WFDC1: variants seen among roughly 807,000 people sequenced by gnomAD.
The protein encoded by WFDC1 is WAP four-disulfide core domain protein 1.
A neutral mutation model predicts 32.9 loss-of-function variants in WFDC1; 39 were observed. That is an observed-to-expected ratio of 1.19 (90% CI 0.92 to 1.55). The LOEUF (loss-of-function observed/expected upper bound fraction) is 1.55. WFDC1 is among the 40% of genes most tolerant of loss of function. WFDC1 has a pLI of 0.00. For synonymous variants in WFDC1, 184 were observed against 137.4 expected, an observed-to-expected ratio of 1.34 and a Z score of -2.37; for missense variants, 386 against 309.5, an observed-to-expected ratio of 1.25 and a Z score of -1.85.
At chr16:84,312,696 G>A (rs114360645) in intron 1 of WFDC1, among the ~76,000 whole-genome samples, 1,937 of 152,148 alleles carry the variant, frequency 0.013, 35 homozygotes, top group African/African-American at 0.044. Flanking sequence ...TTAAGTAATT[G>A]TCCTTCAGCA....
At chr16:84,326,654 G>C in intron 5 of WFDC1, 1 of 537,196 alleles carries the variant, frequency 1.9e-6, no homozygotes, top group Non-Finnish European at 3.4e-6. Flanking sequence ...GGTGAGCTGT[G>C]GAGGTGGTGG....
At chr16:84,312,831 T>G (rs922688030) in intron 1 of WFDC1, 130 bp from the exon 2 acceptor site, 6 of 437,592 alleles carry the variant, frequency 1.4e-5, no homozygotes, top group Non-Finnish European at 1.6e-5. Flanking sequence ...TCTGCCTGCT[T>G]GCTGTTTCTC....
At chr16:84,295,466 A>C (rs973775970) in intron 1 of WFDC1, 3 of 425,450 alleles carry the variant, frequency 7.1e-6, no homozygotes, top group Non-Finnish European at 1.2e-5. Context: ...TCAGTACCAA[A>C]TGTTTGTGAA....
At chr16:84,315,058 C>T (rs948565415) in intron 2 of WFDC1, among the ~76,000 whole-genome samples, 5 of 152,240 alleles carry the variant, frequency 3.3e-5, no homozygotes, top group African/African-American at 9.6e-5. Flanking sequence ...CTGCAGTTTC[C>T]ATCCAGTTGT....
At chr16:84,297,463 C>G (rs1160652669) in intron 1 of WFDC1, among the ~76,000 whole-genome samples, 1 of 151,864 alleles carries the variant, frequency 6.6e-6, no homozygotes, top group East Asian at 1.9e-4. Context: ...ACTAAAAATA[C>G]AAAATTAGCT....
At position 84,318,942 on chromosome 16, in the gene WFDC1, G is replaced by A; in HGVS notation, c.422-489G>A. 5 of 185,868 alleles carry A rather than the reference G, an allele frequency of 2.7e-5. No homozygotes were observed. In the South Asian group the frequency reaches 5.5e-4, roughly 20 times the overall value. 11.5% of individuals were successfully genotyped at this position (185,868 alleles called of 1,614,324 possible). ...TGTGTGTGTGTGTGTGTGTGTGTGT[G>A]CATGCAAAAGTGTGTGACTGTATTG... On this transcript the variant is annotated intron_variant, in intron 3 of 6. Transcript: ENST00000219454.
intron 4 of WFDC1, among the ~76,000 whole-genome samples, chr16:84,324,215 T>C (rs1908458617): frequency 6.6e-6 from 1 of 152,176 alleles, no homozygotes. Flanking sequence ...GGCTTTCCTT[T>C]ATGGGTTGAT....
chr16:84,314,577 G>A (rs982369463), intron 2 of WFDC1, among the ~76,000 whole-genome samples: 1 of 152,124 alleles, frequency 6.6e-6, no homozygotes. Context: ...TTGGGGTGAG[G>A]TCACAGCGAT....
chr16:84,318,178 G>C, intron 2 of WFDC1, 94 bp from the exon 3 acceptor site: 1 of 1,126,654 alleles, frequency 8.9e-7, no homozygotes, highest in South Asian at 1.3e-5. Flanking sequence ...GGGAGCCTCT[G>C]TGCTGTCATG....
chr16:84,317,631 C>T (rs1908040016), intron 2 of WFDC1: 1 of 152,866 alleles, frequency 6.5e-6, no homozygotes, highest in Non-Finnish European at 1.5e-5. Flanking sequence ...CACCAAACTT[C>T]ACCCATACAC....
chr16:84,315,394 C>G (rs1035566704), intron 2 of WFDC1, among the ~76,000 whole-genome samples: 18 of 152,348 alleles, frequency 1.2e-4, no homozygotes, highest in African/African-American at 4.1e-4. Context: ...GTCAGCCCCA[C>G]AGGGCAGGGA....
intron 4 of WFDC1, among the ~76,000 whole-genome samples, chr16:84,322,171 G>GTGTGTGTGTC (rs1463212887): frequency 6.6e-6 from 1 of 151,288 alleles, no homozygotes. Context: ...GTGTGTGTGT[G>GTGTGTGTGTC]TGTGTGTGTG....
Position 84,304,220 on chromosome 16 carries a change from AT to A in WFDC1, c.145-8736del, listed in dbSNP as rs1907111993. 2.6e-5 allele frequency among the ~76,000 whole-genome samples: 4 copies of A among 152,208 alleles called. No homozygotes were observed. In the South Asian group the frequency reaches 8.3e-4, roughly 32 times the overall value. ...AGTGGCAGAATGGCTTTGCAAATCT[AT>A]TTTTGTTCATCTATATGAACAAAAG... On this transcript the variant is annotated intron_variant, in intron 1 of 6. Transcript: ENST00000219454.
At position 84,311,999 on chromosome 16, in the gene WFDC1, C is replaced by T. The variant is rs147860471; in HGVS notation, c.145-962C>T. Among the ~76,000 whole-genome samples the T allele has an allele frequency of 6.3e-3, 959 of 152,068 alleles. 9 individuals carry two copies. The highest frequency in any genetic ancestry group is 0.022 in the African/African-American group (913 of 41,472). ...TGGCCAACATGTAGAAACCCTGTCT[C>T]TACTAAAAATACAAAATTAGCCGGG... On this transcript the variant is annotated intron_variant, in intron 1 of 6. Transcript: ENST00000219454.
intron 2 of WFDC1, among the ~76,000 whole-genome samples, chr16:84,315,730 T>G (rs1187969780): frequency 6.6e-6 from 1 of 152,200 alleles, no homozygotes; most frequent in African/African-American, 2.4e-5. Flanking sequence ...GTCTCTAATC[T>G]TTCCTAAATG....
Position 84,319,321 on chromosome 16 carries a change from G to A in WFDC1, c.422-110G>A, listed in dbSNP as rs970249193. 8.1e-6 allele frequency: 12 copies of A among 1,473,452 alleles called. No individual in the cohort carries two copies. The African/African-American group carries it at 1.7e-4, about 21-fold the overall frequency. The allele number at this position is 1,473,452 out of a possible 1,614,324, so 91.3% of individuals were successfully genotyped here. ...GTACAGAGGCGAGGCCGCCTCTCTG[G>A]GTGAGGTGCGTTCCCTGCACCCGTC... On this transcript the variant is annotated intron_variant, in intron 3 of 6. Transcript: ENST00000219454.
At position 84,310,691 on chromosome 16, in the gene WFDC1, T is replaced by A. The variant is rs574003054; in HGVS notation, c.145-2270T>A. Among the ~76,000 whole-genome samples the A allele has an allele frequency of 1.2e-4, 18 of 152,330 alleles. No homozygotes were observed. In the South Asian group the frequency reaches 3.7e-3, roughly 32 times the overall value. On this transcript the variant is annotated intron_variant, in intron 1 of 6. Transcript: ENST00000219454. ...ATATATATGTTACATCTGTGTGCAT[T>A]TTTTTAAAAACACAGATGGGGCAGA...
chr16:84,298,346 C>T (rs553053451), intron 1 of WFDC1, among the ~76,000 whole-genome samples: 10 of 152,216 alleles, frequency 6.6e-5, no homozygotes, highest in East Asian at 5.8e-4. Context: ...CCGCCCGCCT[C>T]GGCCTCCCAA....
At chr16:84,324,519 T>G in intron 5 of WFDC1, 59 bp downstream of exon 5, 1 of 1,567,166 alleles carries the variant, frequency 6.4e-7, no homozygotes, top group Non-Finnish European at 8.7e-7. Flanking sequence ...AGTGAAAGTT[T>G]CTTATGTGAA....
Sources: gnomAD v4.1 joint callset for allele counts (sites outside exome capture counted in the v4.1 genomes callset) on GRCh38, gnomAD v4.1.1 for gene constraint, MANE v1.5 for transcripts, NCBI Gene and HGNC (gene_info 2026-07-23, HGNC 2026-07-21) for gene names.